The following SDK1 variants were observed in gnomAD, a reference collection of about 807,000 sequenced individuals.
The protein encoded by SDK1 is protein sidekick-1.
A neutral mutation model predicts 245.5 loss-of-function variants in SDK1; 157 were observed. The observed-to-expected ratio is 0.64, with a 90% CI of 0.56 to 0.73. SDK1 has a LOEUF of 0.73. SDK1 is among the 30% of genes least tolerant of loss of function. The pLI is 0.00. For synonymous variants in SDK1, 1,647 were observed against 1,278.5 expected, an observed-to-expected ratio of 1.29 and a Z score of -6.15; for missense variants, 3,583 against 3,002.3, an observed-to-expected ratio of 1.19 and a Z score of -4.52.
chr7:3,311,813 C>A (rs993149188), intron 1 of SDK1, among the ~76,000 whole-genome samples: 3 of 152,112 alleles, frequency 2.0e-5, no homozygotes, highest in African/African-American at 7.2e-5. Flanking sequence ...CAGGGAATCC[C>A]TAGGTGCCAG....
At chr7:3,359,558 C>G (rs1220250711) in intron 1 of SDK1, among the ~76,000 whole-genome samples, 1 of 152,030 alleles carries the variant, frequency 6.6e-6, no homozygotes, top group Non-Finnish European at 1.5e-5. Flanking sequence ...TACACCTGGC[C>G]AGGGATGCAT....
At chr7:4,139,433 AT>A (rs1349893550) in intron 28 of SDK1, among the ~76,000 whole-genome samples, 2 of 110,812 alleles carry the variant, frequency 1.8e-5, no homozygotes, top group Non-Finnish European at 3.8e-5. Context: ...GTGTATGTAT[AT>A]ATGTGTGTGT....
intron 14 of SDK1, among the ~76,000 whole-genome samples, chr7:3,993,621 TA>T (rs1211695970): frequency 6.6e-6 from 1 of 152,174 alleles, no homozygotes; most frequent in Non-Finnish European, 1.5e-5. Context: ...GCACAAAGAA[TA>T]AAAACGATCA....
chr7:3,416,578 C>A (rs1546742), intron 1 of SDK1, among the ~76,000 whole-genome samples: 61,726 of 150,722 alleles, frequency 0.41, 14,056 homozygotes, highest in Admixed American at 0.51. Flanking sequence ...GGGAGGTGTT[C>A]CCCTGGCAGG....
intron 4 of SDK1, among the ~76,000 whole-genome samples, chr7:3,739,913 T>G (rs983763172): frequency 1.3e-5 from 2 of 152,236 alleles, no homozygotes; most frequent in Admixed American, 1.3e-4. Context: ...TATGCAGAAT[T>G]TACTTTTTAT....
intron 1 of SDK1, among the ~76,000 whole-genome samples, chr7:3,567,086 A>C (rs1779944752): frequency 6.6e-6 from 1 of 152,190 alleles, no homozygotes; most frequent in Admixed American, 6.5e-5. Context: ...TAATTGAATA[A>C]GGGATATGCC....
intron 14 of SDK1, among the ~76,000 whole-genome samples, chr7:4,008,444 G>T (rs762721953): frequency 1.1e-4 from 16 of 152,368 alleles, no homozygotes; most frequent in South Asian, 2.1e-4. Flanking sequence ...AGGGGCACGA[G>T]AGCCTTTATT....
intron 14 of SDK1, among the ~76,000 whole-genome samples, chr7:3,987,668 G>A (rs774388975): frequency 1.3e-5 from 2 of 152,174 alleles, no homozygotes; most frequent in Non-Finnish European, 2.9e-5. Flanking sequence ...AGAGTTCACC[G>A]TCGCCGCCAC....
intron 1 of SDK1, among the ~76,000 whole-genome samples, chr7:3,484,652 A>G (rs939518810): frequency 5.3e-5 from 8 of 152,150 alleles, no homozygotes; most frequent in African/African-American, 1.7e-4. Flanking sequence ...ACCTCGCCTC[A>G]CACTTTCCTC....
At chr7:3,637,443 A>G (rs1782494955) in intron 2 of SDK1, among the ~76,000 whole-genome samples, 1 of 152,122 alleles carries the variant, frequency 6.6e-6, no homozygotes, top group Non-Finnish European at 1.5e-5. Context: ...GTTTGCTCAC[A>G]CCTTACTCTT....
chr7:3,814,484 G>T (rs1265911167), intron 4 of SDK1, among the ~76,000 whole-genome samples: 3 of 151,778 alleles, frequency 2.0e-5, no homozygotes, highest in African/African-American at 7.3e-5. Flanking sequence ...CTCTGTTTTG[G>T]TACCGGTACC....
chr7:3,514,862 G>C (rs1482994494), intron 1 of SDK1, among the ~76,000 whole-genome samples: 1 of 150,808 alleles, frequency 6.6e-6, no homozygotes, highest in Admixed American at 6.6e-5. Context: ...CCCATCACGC[G>C]TGCATGCGTG....
intron 18 of SDK1, among the ~76,000 whole-genome samples, chr7:4,051,189 ATGT>A (rs1562730993): frequency 7.1e-6 from 1 of 141,030 alleles, no homozygotes; most frequent in African/African-American, 2.6e-5. Context: ...TACATTATAT[ATGT>A]GTATATATTA....
At chr7:3,485,670 TGATC>T (rs1781663214) in intron 1 of SDK1, among the ~76,000 whole-genome samples, 2 of 138,072 alleles carry the variant, frequency 1.4e-5, no homozygotes, top group Non-Finnish European at 3.2e-5. Flanking sequence ...GCTGAGGGGA[TGATC>T]TTTGGAGGGT....
At chr7:3,950,430 TA>T (rs796886102) in intron 5 of SDK1, among the ~76,000 whole-genome samples, 21 of 152,280 alleles carry the variant, frequency 1.4e-4, no homozygotes, top group African/African-American at 5.1e-4. Flanking sequence ...GGTCCGAAAA[TA>T]GGAGAGTACA....
At chr7:3,381,485 A>G (rs760557380) in intron 1 of SDK1, among the ~76,000 whole-genome samples, 6 of 152,000 alleles carry the variant, frequency 3.9e-5, no homozygotes, top group Non-Finnish European at 8.8e-5. Flanking sequence ...TACGCAGGAC[A>G]GAGAGGGGGC....
chr7:3,581,037 G>A (rs368612478), intron 1 of SDK1, among the ~76,000 whole-genome samples: 1 of 146,254 alleles, frequency 6.8e-6, no homozygotes, highest in African/African-American at 2.5e-5. Flanking sequence ...TTACCATTCT[G>A]GACATAAGAA....
At chr7:4,069,304 T>G (rs548101435) in intron 20 of SDK1, among the ~76,000 whole-genome samples, 47 of 130,662 alleles carry the variant, frequency 3.6e-4, no homozygotes, top group African/African-American at 1.6e-3. Flanking sequence ...CAGACATCTG[T>G]TTTTTTTCTA....
intron 1 of SDK1, among the ~76,000 whole-genome samples, chr7:3,573,396 G>C (rs1470662600): frequency 6.6e-6 from 1 of 152,092 alleles, no homozygotes; most frequent in Non-Finnish European, 1.5e-5. Flanking sequence ...TGCTGGGCCA[G>C]CCTTGGGATG....
Sources: gnomAD v4.1 joint callset for allele counts (sites outside exome capture counted in the v4.1 genomes callset) on GRCh38, gnomAD v4.1.1 for gene constraint, MANE v1.5 for transcripts, NCBI Gene and HGNC (gene_info 2026-07-23, HGNC 2026-07-21) for gene names.